Variants in SEPTIN11 observed in about 807,000 individuals in gnomAD.
SEPTIN11 encodes the protein septin-11.
SEPTIN11 carries 25 observed loss-of-function variants against 51.4 expected under a neutral mutation model. The observed-to-expected ratio is 0.49, with a 90% CI of 0.35 to 0.68. The LOEUF is 0.68. Ranked by LOEUF, SEPTIN11 falls within the 30% of genes least tolerant of loss-of-function variation. The pLI is 0.00. For synonymous variants in SEPTIN11, 174 were observed against 184.1 expected (o/e 0.95, Z 0.44); for missense variants, 381 against 520.8 (o/e 0.73, Z 2.61).
intron 4 of SEPTIN11, 115 bp downstream of exon 4, chr4:77,012,036 A>G: frequency 1.3e-6 from 1 of 746,342 alleles, no homozygotes; most frequent in Non-Finnish European, 2.1e-6. Context: ...TTACAGGAAC[A>G]GTGTTTGACA....
At chr4:77,011,706 A>T (rs765133116) in intron 3 of SEPTIN11, 29 bp from the exon 4 acceptor site, 1 of 1,602,810 alleles carries the variant, frequency 6.2e-7, no homozygotes, top group Non-Finnish European at 8.5e-7. Context: ...GAGGTTTGAG[A>T]CTAGAAACAT....
chr4:77,011,979 T>C (rs1316847365), intron 4 of SEPTIN11, 58 bp downstream of exon 4: 17 of 1,452,260 alleles, frequency 1.2e-5, no homozygotes, highest in Non-Finnish European at 1.6e-5. Flanking sequence ...TTTATCCTAA[T>C]GCCCTAATTT....
chr4:76,996,354 A>T (rs184726727), intron 1 of SEPTIN11, 71 bp from the exon 2 acceptor site: 2 of 1,065,714 alleles, frequency 1.9e-6, no homozygotes, highest in Non-Finnish European at 2.9e-6. Context: ...AAAGAATGTA[A>T]TGTTTGTGAT....
At chr4:76,978,185 C>G (rs1722589221) in intron 1 of SEPTIN11, among the ~76,000 whole-genome samples, 1 of 152,156 alleles carries the variant, frequency 6.6e-6, no homozygotes, top group Non-Finnish European at 1.5e-5. Flanking sequence ...TGCTTCTTTT[C>G]TGTGAGAAAT....
At chr4:76,968,720 T>A (rs1182155648) in intron 1 of SEPTIN11, among the ~76,000 whole-genome samples, 2 of 152,188 alleles carry the variant, frequency 1.3e-5, no homozygotes, top group East Asian at 3.9e-4. Context: ...GAAAAAGATG[T>A]GGCAAAATTG....
At chr4:76,983,282 A>G (rs1170582625) in intron 1 of SEPTIN11, among the ~76,000 whole-genome samples, 2 of 152,178 alleles carry the variant, frequency 1.3e-5, no homozygotes. Context: ...GAGATTTTTC[A>G]TTGCTGACTT....
intron 2 of SEPTIN11, among the ~76,000 whole-genome samples, chr4:76,996,877 C>T (rs943877010): frequency 9.7e-5 from 14 of 143,642 alleles, no homozygotes; most frequent in African/African-American, 3.3e-4. Flanking sequence ...ACCCCTCTAG[C>T]CATATCTTTT....
chr4:76,983,995 A>G (rs1722903230), intron 1 of SEPTIN11, among the ~76,000 whole-genome samples: 1 of 152,230 alleles, frequency 6.6e-6, no homozygotes, highest in Non-Finnish European at 1.5e-5. Context: ...CGACAGAGCA[A>G]GACTCCATTT....
At chr4:76,956,993 T>TGTGTGTGA (rs769320568) in intron 1 of SEPTIN11, among the ~76,000 whole-genome samples, 1,787 of 98,556 alleles carry the variant, frequency 0.018, 45 homozygotes, top group African/African-American at 0.052. Context: ...TGTGTGTGTG[T>TGTGTGTGA]GAGAGAGAGA....
At chr4:77,002,154 A>G (rs758398191) in intron 2 of SEPTIN11, among the ~76,000 whole-genome samples, 4 of 152,194 alleles carry the variant, frequency 2.6e-5, no homozygotes, top group Non-Finnish European at 4.4e-5. Flanking sequence ...AGCACACCAA[A>G]GTTTAGAGGA....
chr4:76,985,135 G>A (rs781450570), intron 1 of SEPTIN11: 2 of 152,212 alleles, frequency 1.3e-5, no homozygotes, highest in African/African-American at 4.8e-5. Flanking sequence ...TCAGCACTTT[G>A]TAATGTTCGG....
downstream of SEPTIN11, chr4:77,039,621 A>G: frequency 1.0e-6 from 1 of 983,060 alleles, no homozygotes; most frequent in Non-Finnish European, 1.2e-6. Context: ...TGTTAGTTTT[A>G]TGGGTTGTTT....
chr4:77,039,723 A>G, downstream of SEPTIN11: 1 of 985,144 alleles, frequency 1.0e-6, no homozygotes, highest in Non-Finnish European at 1.2e-6. Context: ...TTCTATTGAT[A>G]CAATGTTTTT....
At chr4:77,025,953 T>C (rs1297345184) in intron 7 of SEPTIN11, among the ~76,000 whole-genome samples, 1 of 152,202 alleles carries the variant, frequency 6.6e-6, no homozygotes, top group Non-Finnish European at 1.5e-5. Context: ...GCAAAGTTGC[T>C]CCTTAGGCTT....
At chr4:77,023,499 G>A (rs1418372682) in intron 7 of SEPTIN11, among the ~76,000 whole-genome samples, 5 of 151,438 alleles carry the variant, frequency 3.3e-5, no homozygotes, top group Admixed American at 6.6e-5. Flanking sequence ...CCAACATCTC[G>A]ATAACTGGAA....
intron 3 of SEPTIN11, among the ~76,000 whole-genome samples, chr4:77,008,517 GA>G (rs891751938): frequency 1.3e-4 from 20 of 152,194 alleles, no homozygotes; most frequent in African/African-American, 4.8e-4. Flanking sequence ...CAAGATAAGG[GA>G]AAAACATGGT....
chr4:77,019,009 G>C (rs1336240499), intron 5 of SEPTIN11, among the ~76,000 whole-genome samples, 156 bp from the exon 6 acceptor site: 1 of 152,124 alleles, frequency 6.6e-6, no homozygotes, highest in Non-Finnish European at 1.5e-5. Flanking sequence ...GGTTATAAGG[G>C]GGGTGGGATA....
At position 76,977,841 on chromosome 4, in the gene SEPTIN11, ATTTG is replaced by A. The variant is rs966471464; in HGVS notation, c.28-18572_28-18569del. Among the ~76,000 whole-genome samples the A allele has an allele frequency of 2.6e-5, 4 of 151,706 alleles. No individual in the cohort carries two copies. The South Asian group carries it at 6.3e-4, about 24-fold the overall frequency. On this transcript the variant is annotated intron_variant, in intron 1 of 9. Coordinates refer to ENST00000264893, the MANE Select transcript of SEPTIN11 (RefSeq NM_018243.4). ...CTCTAGCCCATACTACCGAAAGGTT[ATTTG>A]TTTGTTTGTTTTTGGTAATACAAGC...
At chr4:76,979,051 G>A (rs763059493) in intron 1 of SEPTIN11, among the ~76,000 whole-genome samples, 1 of 152,170 alleles carries the variant, frequency 6.6e-6, no homozygotes, top group Non-Finnish European at 1.5e-5. Context: ...AGGTTGTATA[G>A]ACTTTGTGAG....
Sources: allele counts gnomAD v4.1 joint callset (sites outside exome capture counted in the v4.1 genomes callset), GRCh38; gene constraint gnomAD v4.1.1; transcripts MANE v1.5; gene names NCBI Gene and HGNC (gene_info 2026-07-23, HGNC 2026-07-21).